Variants in CCDC178 observed in about 807,000 individuals in gnomAD.
The protein encoded by CCDC178 is coiled-coil domain-containing protein 178.
Under a neutral mutation model 117.4 loss-of-function variants are expected in CCDC178, and 126 were observed. The observed-to-expected ratio is 1.07, with a 90% CI of 0.93 to 1.24. CCDC178 has a LOEUF of 1.24. CCDC178 is among the 50% of genes most tolerant of loss of function. The probability of loss-of-function intolerance (pLI) is 0.00; values close to 1 mark genes in which losing one functional copy is unlikely to be tolerated. For missense variants in CCDC178, 1,030 were observed against 986.9 expected, an observed-to-expected ratio of 1.04 and a Z score of -0.59; for synonymous variants, 283 against 313.4, an observed-to-expected ratio of 0.90 and a Z score of 1.02.
At chr18:33,403,485 C>T (rs577485508) in intron 3 of CCDC178, among the ~76,000 whole-genome samples, 1 of 142,066 alleles carries the variant, frequency 7.0e-6, no homozygotes, top group South Asian at 2.2e-4. Flanking sequence ...AAATGTATGA[C>T]ATCCAAAAAA....
At chr18:33,120,886 CT>C (rs750648286) in intron 20 of CCDC178, among the ~76,000 whole-genome samples, 1 of 152,028 alleles carries the variant, frequency 6.6e-6, no homozygotes, top group Non-Finnish European at 1.5e-5. Context: ...GATTTTTATA[CT>C]TTTCTGGGGA....
chr18:33,080,623 T>C (rs1308576523), intron 21 of CCDC178, among the ~76,000 whole-genome samples: 2 of 152,198 alleles, frequency 1.3e-5, no homozygotes, highest in African/African-American at 4.8e-5. Context: ...AAATTTCTCT[T>C]GTTTAAACCA....
chr18:33,281,162 C>G (rs2060021646), intron 12 of CCDC178, among the ~76,000 whole-genome samples: 1 of 151,480 alleles, frequency 6.6e-6, no homozygotes, highest in Non-Finnish European at 1.5e-5. Flanking sequence ...TGGATAGATT[C>G]ATTTAAGAGT....
Position 33,280,763 on chromosome 18 carries a change from C to A in CCDC178, c.1176+12396G>T, listed in dbSNP as rs1247462844. 2.0e-5 allele frequency among the ~76,000 whole-genome samples: 3 copies of A among 152,252 alleles called. No homozygotes were observed. The East Asian group carries it at 5.8e-4, about 29-fold the overall frequency. ...TGTGGCACATATACATGATGGAATA[C>A]TATGCAGCCATAAAAAATGATGAGT... On this transcript the variant is annotated intron_variant, in intron 12 of 22. Coordinates refer to ENST00000383096, the MANE Select transcript of CCDC178 (RefSeq NM_001105528.4).
At chr18:33,130,715 T>C (rs1355952573) in intron 20 of CCDC178, among the ~76,000 whole-genome samples, 5 of 151,968 alleles carry the variant, frequency 3.3e-5, no homozygotes, top group Non-Finnish European at 5.9e-5. Flanking sequence ...CGACCTGGTT[T>C]GTCTCTGATA....
At chr18:33,096,123 C>A (rs145171403) in intron 20 of CCDC178, among the ~76,000 whole-genome samples, 12 of 150,642 alleles carry the variant, frequency 8.0e-5, no homozygotes, top group Non-Finnish European at 1.5e-4. Context: ...CCCACCCCCC[C>A]CACTTGACTT....
intron 11 of CCDC178, among the ~76,000 whole-genome samples, chr18:33,307,395 C>A (rs995204878): frequency 6.6e-6 from 1 of 152,138 alleles, no homozygotes; most frequent in African/African-American, 2.4e-5. Context: ...GGCTTTTTGG[C>A]CCTGCCATAG....
intron 2 of CCDC178, among the ~76,000 whole-genome samples, chr18:33,417,576 G>C (rs1354240527): frequency 6.6e-6 from 1 of 151,192 alleles, no homozygotes; most frequent in Admixed American, 6.6e-5. Context: ...ATAACTGCAA[G>C]TATTACCGCT....
At chr18:33,124,103 G>A (rs1277520161) in intron 20 of CCDC178, among the ~76,000 whole-genome samples, 2 of 152,148 alleles carry the variant, frequency 1.3e-5, no homozygotes, top group Non-Finnish European at 2.9e-5. Flanking sequence ...CCCATCAGAT[G>A]TTGTTGTGAA....
intron 2 of CCDC178, among the ~76,000 whole-genome samples, chr18:33,435,662 T>G (rs1012438046): frequency 1.0e-4 from 5 of 48,956 alleles, no homozygotes; most frequent in Non-Finnish European, 2.6e-4. Context: ...ACTACTGAAG[T>G]GATCATAGTA....
At chr18:33,405,607 A>T (rs1042229454) in intron 3 of CCDC178, among the ~76,000 whole-genome samples, 5 of 152,000 alleles carry the variant, frequency 3.3e-5, no homozygotes, top group Non-Finnish European at 7.4e-5. Flanking sequence ...ATCAAATAAA[A>T]CTGTCATTCA....
Position 33,105,149 on chromosome 18 carries a change from AT to A in CCDC178, c.2239-12240del, listed in dbSNP as rs200142534. On this transcript the variant is annotated intron_variant, in intron 20 of 22. Coordinates refer to ENST00000383096, the MANE Select transcript of CCDC178 (RefSeq NM_001105528.4). ...GTTATTGAAAAGTAATTCTTAATTA[AT>A]TGATACTAAATATTGTGCATACATA... is the stretch of plus-strand genomic sequence containing the variant. Among the ~76,000 whole-genome samples, 14 of 151,808 alleles carry A rather than the reference AT, an allele frequency of 9.2e-5. No homozygotes were observed. The East Asian group carries it at 2.7e-3, about 30-fold the overall frequency.
intron 12 of CCDC178, among the ~76,000 whole-genome samples, chr18:33,278,594 A>C (rs1442765599): frequency 6.6e-6 from 1 of 152,082 alleles, no homozygotes; most frequent in Non-Finnish European, 1.5e-5. Flanking sequence ...TATCATATAC[A>C]AAACAAACAC....
intron 14 of CCDC178, among the ~76,000 whole-genome samples, chr18:33,249,013 G>T (rs1345208964): frequency 6.6e-6 from 1 of 152,040 alleles, no homozygotes; most frequent in Non-Finnish European, 1.5e-5. Context: ...TTCTCTGATG[G>T]CCAGTGATGA....
chr18:33,114,641 T>C (rs2057828355), intron 20 of CCDC178, among the ~76,000 whole-genome samples: 1 of 152,220 alleles, frequency 6.6e-6, no homozygotes, highest in Middle Eastern at 3.4e-3. Flanking sequence ...AATTCTTAAA[T>C]CACAAACTTT....
chr18:33,395,905 T>TA (rs2063627971), intron 4 of CCDC178, among the ~76,000 whole-genome samples: 1 of 152,076 alleles, frequency 6.6e-6, no homozygotes, highest in South Asian at 2.1e-4. Context: ...ATTGGACGAA[T>TA]ATCTGCATGA....
intron 15 of CCDC178, among the ~76,000 whole-genome samples, chr18:33,236,846 A>G (rs1174889121): frequency 6.6e-6 from 1 of 152,118 alleles, no homozygotes; most frequent in Non-Finnish European, 1.5e-5. Flanking sequence ...GATGGGCCCA[A>G]AACTAGGGGC....
At chr18:33,129,126 G>A (rs2058041797) in intron 20 of CCDC178, among the ~76,000 whole-genome samples, 1 of 152,074 alleles carries the variant, frequency 6.6e-6, no homozygotes, top group African/African-American at 2.4e-5. Context: ...CTTGGAGGGT[G>A]ATGATACCAT....
intron 20 of CCDC178, among the ~76,000 whole-genome samples, chr18:33,107,791 A>T (rs1035056629): frequency 6.6e-6 from 1 of 151,664 alleles, no homozygotes; most frequent in Non-Finnish European, 1.5e-5. Context: ...AGAGAGTCCT[A>T]ATTTGTTTTA....
Sources: allele counts gnomAD v4.1 joint callset (sites outside exome capture counted in the v4.1 genomes callset), GRCh38; gene constraint gnomAD v4.1.1; transcripts MANE v1.5; gene names NCBI Gene and HGNC (gene_info 2026-07-23, HGNC 2026-07-21).